Variants in CCN4 observed in about 807,000 individuals in gnomAD.
The protein encoded by CCN4 is cellular communication network factor 4.
A neutral mutation model predicts 36.7 loss-of-function variants in CCN4; 30 were observed. That is an observed-to-expected ratio of 0.82 (90% CI 0.61 to 1.11). CCN4 has a LOEUF of 1.11. CCN4 is among the 50% of genes least tolerant of loss of function. CCN4 has a pLI of 0.00. For missense variants in CCN4, 505 were observed against 504.9 expected (o/e 1.00, Z 0.00); for synonymous variants, 191 against 195.4 (o/e 0.98, Z 0.19).
At chr8:133,209,799 T>C (rs1412036297) in intron 1 of CCN4, among the ~76,000 whole-genome samples, 1 of 152,220 alleles carries the variant, frequency 6.6e-6, no homozygotes, top group East Asian at 1.9e-4. Context: ...CTGTGTGCCA[T>C]GTGACATGTG....
intron 2 of CCN4, among the ~76,000 whole-genome samples, chr8:133,218,625 G>A (rs550391808): frequency 1.3e-5 from 2 of 152,234 alleles, no homozygotes; most frequent in South Asian, 2.1e-4. Context: ...AGCCACCTTC[G>A]GGCAAACCCT....
intron 1 of CCN4, among the ~76,000 whole-genome samples, chr8:133,212,375 T>C (rs186070441): frequency 6.6e-6 from 1 of 151,728 alleles, no homozygotes; most frequent in Non-Finnish European, 1.5e-5. Context: ...AAACCGGTAT[T>C]AAGTAGGAGT....
chr8:133,224,633 C>G (rs1038481573), intron 3 of CCN4, among the ~76,000 whole-genome samples: 2 of 152,110 alleles, frequency 1.3e-5, no homozygotes, highest in Non-Finnish European at 2.9e-5. Flanking sequence ...AGGAGAATGT[C>G]TTTTAAAACT....
At chr8:133,216,089 A>G (rs1414164488) in intron 2 of CCN4, among the ~76,000 whole-genome samples, 1 of 152,104 alleles carries the variant, frequency 6.6e-6, no homozygotes, top group East Asian at 1.9e-4. Flanking sequence ...TCTATTGAAC[A>G]TGTTCCCGGA....
At chr8:133,202,283 A>G (rs1305179737) in intron 1 of CCN4, among the ~76,000 whole-genome samples, 3 of 152,330 alleles carry the variant, frequency 2.0e-5, no homozygotes, top group South Asian at 4.1e-4. Flanking sequence ...GCAGGCCCTT[A>G]TAAAAATGTC....
rs572418798 is a variant in CCN4, at chr8:133,228,405, A to G, written c.*695A>G. On this transcript the variant is annotated 3_prime_UTR_variant, in exon 5 of 5. Coordinates refer to ENST00000250160, the MANE Select transcript of CCN4 (RefSeq NM_003882.4). ...TAAAATTTGATAAACATTCCTGTTGATGGGAAAAGCCCCCAGTTAATACTC... is the reference window on the plus strand; with the variant it reads ...TAAAATTTGATAAACATTCCTGTTGGTGGGAAAAGCCCCCAGTTAATACTC... 44 of 152,350 alleles carry G rather than the reference A, an allele frequency of 2.9e-4. No individual in the cohort carries two copies. The highest frequency in any genetic ancestry group is 1.0e-3 in the African/African-American group (43 of 41,574). The allele number at this position is 152,350 out of a possible 1,614,324, so 9.4% of individuals were successfully genotyped here. A position where few individuals can be genotyped will look rare whatever the true frequency, so the allele number is the denominator to read the frequency against.
chr8:133,208,393 C>A (rs1853861489), intron 1 of CCN4, among the ~76,000 whole-genome samples: 1 of 152,168 alleles, frequency 6.6e-6, no homozygotes. Flanking sequence ...TGAACAGTGA[C>A]AAAGCCTGGA....
At chr8:133,199,703 C>T (rs1564251895) in intron 1 of CCN4, among the ~76,000 whole-genome samples, 1 of 152,180 alleles carries the variant, frequency 6.6e-6, no homozygotes, top group Non-Finnish European at 1.5e-5. Context: ...TACACATGCA[C>T]ACACGCACAC....
intron 1 of CCN4, among the ~76,000 whole-genome samples, chr8:133,198,534 A>C (rs1853469951): frequency 6.6e-6 from 1 of 151,930 alleles, no homozygotes; most frequent in Admixed American, 6.5e-5. Flanking sequence ...CTACTTCATG[A>C]GCCTTGCTGT....
chr8:133,220,666 G>A lies in CCN4; in HGVS notation c.435G>A (p.Thr145=), dbSNP rs193249386. 42 of 1,614,110 alleles carry A rather than the reference G, an allele frequency of 2.6e-5. No individual in the cohort carries two copies. Among genetic ancestry groups the A allele is most frequent in the Admixed American group, 1.8e-4 (11 of 60,034 alleles). Residue 145 remains threonine, a synonymous_variant, in exon 3 of 5, where the codon ACG becomes ACA. Coordinates refer to ENST00000250160, the MANE Select transcript of CCN4 (RefSeq NM_003882.4). ...SFQPNCKYNC[T]CIDGAVGCTP... is the part of the protein sequence containing the mutation. The stretch of plus-strand genomic sequence containing the variant: ...AGCCTAACTGCAAGTACAACTGCAC[G>A]TGCATCGACGGCGCGGTGGGCTGCA...
chr8:133,207,720 C>T (rs964206447), intron 1 of CCN4, among the ~76,000 whole-genome samples: 1 of 152,202 alleles, frequency 6.6e-6, no homozygotes, highest in Non-Finnish European at 1.5e-5. Flanking sequence ...TGAGCCCTCA[C>T]TCAGATCTTA....
At chr8:133,200,532 G>T (rs1853552759) in intron 1 of CCN4, among the ~76,000 whole-genome samples, 1 of 152,238 alleles carries the variant, frequency 6.6e-6, no homozygotes, top group Non-Finnish European at 1.5e-5. Context: ...GGACATGAAA[G>T]GCCCTCGGTT....
Position 133,221,743 on chromosome 8 carries a change from A to G in CCN4, c.610+902A>G, listed in dbSNP as rs200169937. On this transcript the variant is annotated intron_variant, in intron 3 of 4. Coordinates refer to ENST00000250160, the MANE Select transcript of CCN4 (RefSeq NM_003882.4). ...TGTATGAATGGATGGATGGATGGATATATGTATAAATAACTAGATGAGTGG... is the reference window on the plus strand; with the variant it reads ...TGTATGAATGGATGGATGGATGGATGTATGTATAAATAACTAGATGAGTGG... Among the ~76,000 whole-genome samples, 4 of 125,038 alleles carry G rather than the reference A, an allele frequency of 3.2e-5. No homozygotes were observed. The South Asian group carries it at 7.4e-4, about 23-fold the overall frequency. 82.0% of individuals were successfully genotyped at this position (125,038 alleles called of 152,430 possible). A position where few individuals can be genotyped will look rare whatever the true frequency, so the allele number is the denominator to read the frequency against.
At chr8:133,215,589 T>A (rs1404805132) in intron 2 of CCN4, among the ~76,000 whole-genome samples, 1 of 152,028 alleles carries the variant, frequency 6.6e-6, no homozygotes, top group Non-Finnish European at 1.5e-5. Flanking sequence ...CTGCCTGCCT[T>A]CCCCACCGGT....
At chr8:133,225,289 TC>T in intron 3 of CCN4, 100 bp from the exon 4 acceptor site, 1 of 1,275,098 alleles carries the variant, frequency 7.8e-7, no homozygotes, top group Non-Finnish European at 1.1e-6. Context: ...ATTTCTGTGT[TC>T]CTCTGAGTTC....
At chr8:133,192,120 A>G (rs187095079) in intron 1 of CCN4, among the ~76,000 whole-genome samples, 2 of 152,316 alleles carry the variant, frequency 1.3e-5, no homozygotes, top group Admixed American at 1.3e-4. Flanking sequence ...CTCCTGGCAG[A>G]ACAGCCTAGA....
chr8:133,217,876 C>T (rs1451566005), intron 2 of CCN4, among the ~76,000 whole-genome samples: 2 of 151,530 alleles, frequency 1.3e-5, no homozygotes, highest in African/African-American at 4.9e-5. Context: ...TAGCACTGAC[C>T]TCTCCCTCCA....
At chr8:133,225,904 T>TG (rs764494630) in intron 4 of CCN4, among the ~76,000 whole-genome samples, 11 of 152,078 alleles carry the variant, frequency 7.2e-5, no homozygotes, top group Admixed American at 1.3e-4. Flanking sequence ...TTCACTCCTG[T>TG]GCCAGCCCAC....
At chr8:133,215,625 C>T (rs1252913770) in intron 2 of CCN4, among the ~76,000 whole-genome samples, 2 of 152,066 alleles carry the variant, frequency 1.3e-5, no homozygotes, top group African/African-American at 4.8e-5. Context: ...CTTCCCTGTC[C>T]TCCTCACCCC....
Sources: allele counts gnomAD v4.1 joint callset (sites outside exome capture counted in the v4.1 genomes callset), GRCh38; gene constraint gnomAD v4.1.1; transcripts MANE v1.5; gene names NCBI Gene and HGNC (gene_info 2026-07-23, HGNC 2026-07-21).